The following KCNN2 variants were observed in gnomAD, a reference collection of about 807,000 sequenced individuals.
KCNN2 encodes the protein small conductance calcium-activated potassium channel protein 2.
Under a neutral mutation model 55.5 loss-of-function variants are expected in KCNN2, and 24 were observed. The observed-to-expected ratio is 0.43, with a 90% CI of 0.31 to 0.61. The LOEUF is 0.61. KCNN2 is among the 20% of genes least tolerant of loss of function. KCNN2 has a pLI of 0.08. For synonymous variants in KCNN2, 431 were observed against 336.1 expected (o/e 1.28, Z -3.09); for missense variants, 754 against 853.6 (o/e 0.88, Z 1.45).
intron 2 of KCNN2, among the ~76,000 whole-genome samples, chr5:114,235,756 C>T (rs1439357234): frequency 6.6e-6 from 1 of 152,170 alleles, no homozygotes; most frequent in African/African-American, 2.4e-5. Context: ...TCTTCTTTTC[C>T]TTACTATCTA....
chr5:114,331,539 T>C (rs2150033240), intron 2 of KCNN2, among the ~76,000 whole-genome samples: 1 of 152,326 alleles, frequency 6.6e-6, no homozygotes, highest in South Asian at 2.1e-4. Context: ...TGTGATAAAA[T>C]GTAGCTTTAC....
At chr5:114,495,807 G>A in intron 7 of KCNN2, 88 bp from the exon 8 acceptor site, 1 of 1,289,454 alleles carries the variant, frequency 7.8e-7, no homozygotes, top group Non-Finnish European at 1.1e-6. Context: ...AATGCCACCA[G>A]CAAGAGACCA....
intron 1 of KCNN2, among the ~76,000 whole-genome samples, chr5:114,078,852 A>G (rs548525542): frequency 3.9e-5 from 6 of 152,322 alleles, no homozygotes; most frequent in East Asian, 3.9e-4. Context: ...ATCATATTCA[A>G]TTACCTCTGC....
intron 2 of KCNN2, among the ~76,000 whole-genome samples, chr5:114,258,491 G>A (rs978001217): frequency 1.3e-5 from 2 of 151,964 alleles, no homozygotes; most frequent in African/African-American, 4.8e-5. Flanking sequence ...TTTCTTGGGA[G>A]ATTTTTTATT....
intron 2 of KCNN2, among the ~76,000 whole-genome samples, chr5:114,321,727 T>C (rs1319027197): frequency 3.3e-5 from 5 of 152,020 alleles, no homozygotes; most frequent in Admixed American, 3.3e-4. Flanking sequence ...TGGAGTGCAA[T>C]GGCATGATCT....
At chr5:114,294,266 T>C (rs1423071065) in intron 2 of KCNN2, among the ~76,000 whole-genome samples, 1 of 152,170 alleles carries the variant, frequency 6.6e-6, no homozygotes, top group Non-Finnish European at 1.5e-5. Context: ...GCTTTTCTAG[T>C]TCTTTTAATT....
At chr5:114,402,741 G>A (rs1758824776) in intron 2 of KCNN2, among the ~76,000 whole-genome samples, 2 of 152,338 alleles carry the variant, frequency 1.3e-5, no homozygotes, top group African/African-American at 2.4e-5. Context: ...GACTCTGAGG[G>A]GTCAGCTGAG....
At chr5:114,393,604 T>C (rs1479555700) in intron 2 of KCNN2, among the ~76,000 whole-genome samples, 1 of 152,094 alleles carries the variant, frequency 6.6e-6, no homozygotes, top group African/African-American at 2.4e-5. Flanking sequence ...TTAAATATTA[T>C]ATAATTAAAA....
At chr5:114,285,989 G>A (rs1000205651) in intron 2 of KCNN2, among the ~76,000 whole-genome samples, 10 of 149,336 alleles carry the variant, frequency 6.7e-5, no homozygotes, top group Admixed American at 6.1e-4. Context: ...GCATGATCTC[G>A]ACTCACAGCA....
At chr5:114,194,362 A>G (rs1189279015) in intron 1 of KCNN2, among the ~76,000 whole-genome samples, 1 of 151,926 alleles carries the variant, frequency 6.6e-6, no homozygotes, top group African/African-American at 2.4e-5. Context: ...CCTACCCTTA[A>G]TGTTGTCTGT....
At chr5:114,222,860 T>G (rs918907630) in intron 2 of KCNN2, among the ~76,000 whole-genome samples, 9 of 152,170 alleles carry the variant, frequency 5.9e-5, no homozygotes, top group Non-Finnish European at 8.8e-5. Context: ...ATCTGCAGTC[T>G]TTGATTATTG....
At chr5:114,389,648 T>C (rs1192081281) in intron 2 of KCNN2, among the ~76,000 whole-genome samples, 6 of 152,174 alleles carry the variant, frequency 3.9e-5, no homozygotes, top group Admixed American at 3.9e-4. Flanking sequence ...TGTGAGGTTC[T>C]ATACAACTGA....
intron 2 of KCNN2, among the ~76,000 whole-genome samples, chr5:114,272,269 T>C (rs1196346085): frequency 6.6e-6 from 1 of 151,974 alleles, no homozygotes; most frequent in Non-Finnish European, 1.5e-5. Flanking sequence ...CATATATGTA[T>C]GTACATATCA....
At position 114,232,865 on chromosome 5, in the gene KCNN2, G is replaced by A. The variant is rs958264819; in HGVS notation, c.-185+11300G>A. On this transcript the variant is annotated intron_variant, in intron 2 of 10. Coordinates refer to the KCNN2 transcript ENST00000512097. ...TGCTGATCATGGAAGCAGGAGGGTG[G>A]TTTTGAGAGAAATAATGCTTATTAC... Among the ~76,000 whole-genome samples, 14 of 147,898 alleles carry A rather than the reference G, an allele frequency of 9.5e-5. 1 individual carries two copies. The highest frequency in any genetic ancestry group is 3.6e-4 in the African/African-American group (14 of 39,088).
chr5:114,203,425 T>A (rs563147151), intron 1 of KCNN2, among the ~76,000 whole-genome samples: 9 of 152,130 alleles, frequency 5.9e-5, no homozygotes, highest in Non-Finnish European at 1.2e-4. Flanking sequence ...TCATTTTTTT[T>A]AGATTTACTT....
intron 2 of KCNN2, among the ~76,000 whole-genome samples, chr5:114,307,286 G>T (rs143257303): frequency 5.6e-4 from 85 of 152,256 alleles, no homozygotes; most frequent in African/African-American, 1.9e-3. Flanking sequence ...CTGATTTATT[G>T]CATTGCAGCA....
chr5:114,086,830 A>G (rs1751027146), intron 1 of KCNN2, among the ~76,000 whole-genome samples: 5 of 152,040 alleles, frequency 3.3e-5, no homozygotes, highest in Admixed American at 3.3e-4. Context: ...ATGGTAGTTC[A>G]GTTTTAAGTT....
rs547878215 is a variant in KCNN2 at position 114,277,889 on chromosome 5, G to T, written c.-185+56324G>T. The stretch of plus-strand genomic sequence containing the variant: ...CCAGTTTTGTTCCCTTGCTGTCGAG[G>T]AGTCGTTTTCCTTTGGAGGAGAAAA... On this transcript the variant is annotated intron_variant, in intron 2 of 10. Transcript: ENST00000512097. Among the ~76,000 whole-genome samples, 3 of 152,262 alleles carry T rather than the reference G, an allele frequency of 2.0e-5. No homozygotes were observed. In the East Asian group the frequency reaches 5.8e-4, roughly 29 times the overall value.
intron 1 of KCNN2, among the ~76,000 whole-genome samples, chr5:114,199,525 T>A (rs1346211343): frequency 6.6e-6 from 1 of 152,128 alleles, no homozygotes; most frequent in Non-Finnish European, 1.5e-5. Context: ...TTTTGTTTTG[T>A]GATTTGATGA....
Sources: allele counts gnomAD v4.1 joint callset (sites outside exome capture counted in the v4.1 genomes callset), GRCh38; gene constraint gnomAD v4.1.1; transcripts MANE v1.5; gene names NCBI Gene and HGNC (gene_info 2026-07-23, HGNC 2026-07-21).